CFAP65: variants seen among roughly 807,000 people sequenced by gnomAD.
CFAP65 encodes cilia- and flagella-associated protein 65.
CFAP65 carries 155 observed loss-of-function variants against 208.0 expected under a neutral mutation model. The ratio of observed to expected loss-of-function variants is 0.75; its 90% CI spans 0.65 to 0.85. CFAP65 has a LOEUF of 0.85. Among genes scored for constraint, CFAP65 ranks in the 40% least tolerant of loss-of-function variants. The probability of loss-of-function intolerance (pLI) is 0.00; values close to 1 mark genes in which losing one functional copy is unlikely to be tolerated. For synonymous variants in CFAP65, 970 were observed against 986.3 expected, an observed-to-expected ratio of 0.98 and a Z score of 0.31; for missense variants, 2,294 against 2,451.3, an observed-to-expected ratio of 0.94 and a Z score of 1.36.
chr2:219,011,860 G>A (rs1178139802), intron 24 of CFAP65, among the ~76,000 whole-genome samples: 1 of 152,206 alleles, frequency 6.6e-6, no homozygotes, highest in East Asian at 1.9e-4. Flanking sequence ...GGTACTATGG[G>A]TTAAATGCTT....
At position 219,030,854 on chromosome 2, in the gene CFAP65, G is replaced by A. The variant is rs768385603; in HGVS notation, c.1016-20C>T. The stretch of plus-strand genomic sequence containing the variant: ...ACTTGGCTGGGGCAGAGATGGGGGA[G>A]TCTTGGGGGAACCCACCAGGGCCTC... On this transcript the variant is annotated intron_variant, in intron 8 of 34. Transcript: ENST00000341552. 3 of 1,609,090 alleles carry A rather than the reference G, an allele frequency of 1.9e-6. No individual in the cohort carries two copies. Among genetic ancestry groups the A allele is most frequent in the South Asian group, 2.2e-5 (2 of 90,270 alleles).
chr2:219,013,640 G>A (rs1272698904), intron 22 of CFAP65, 55 bp from the exon 23 acceptor site: 7 of 1,477,762 alleles, frequency 4.7e-6, no homozygotes, highest in Middle Eastern at 1.7e-4. Flanking sequence ...GTACAAGTAG[G>A]AGAGCAAATG....
chr2:219,006,381 C>A (rs990469713), intron 30 of CFAP65, 84 bp downstream of exon 30: 4 of 1,554,634 alleles, frequency 2.6e-6, no homozygotes, highest in Non-Finnish European at 3.5e-6. Flanking sequence ...GGAGTCTGGT[C>A]CAGGGGTTGG....
At position 219,030,162 on chromosome 2, in the gene CFAP65, T is replaced by C. The variant is rs778476619; in HGVS notation, c.1208A>G (p.Glu403Gly). The C allele has an allele frequency of 6.2e-7, 1 of 1,614,130 alleles. No homozygotes were observed. The highest frequency in any genetic ancestry group is 1.7e-5 in the Admixed American group (1 of 60,030). ...RIEISPDELA[E>G]DQAFSCPTAH... ...CGTGGGGCATGAGAAGGCCTGGTCT[T>C]CGGCCAGTTCATCCGGGGAAATTTC... The change falls in exon 10 of 35, where the codon GAA becomes GGA. Residue 403 changes from glutamate to glycine, a missense_variant. Glu to Gly is a moderately conservative substitution (Grantham distance 98, BLOSUM62 -2). Around this residue, in one of 2 missense-constraint regions of CFAP65, gnomAD observed 867 missense variants for 1,012.6 expected, o/e 0.86. Transcript: ENST00000341552.
Position 219,031,662 on chromosome 2 carries a change from C to T in CFAP65, c.646-4G>A. 6.3e-7 allele frequency: 1 copy of T among 1,597,632 alleles called. No individual in the cohort carries two copies. The highest frequency in any genetic ancestry group is 1.1e-5 in the South Asian group (1 of 87,888). On this transcript the variant is annotated splice_region_variant and splice_polypyrimidine_tract_variant and intron_variant, in intron 6 of 34. Coordinates refer to ENST00000341552, the MANE Select transcript of CFAP65 (RefSeq NM_194302.4). This position sits in a 1 kb window ranked among gnomAD's most constrained non-coding sequence, Gnocchi z 5.2. Reference sequence around the variant, plus strand: ...ACAGCTGGTCCATGTACTCCTTCTGCAGTGTGAGGCGGGGCAGGGGCAGTC... The same window carrying T: ...ACAGCTGGTCCATGTACTCCTTCTGTAGTGTGAGGCGGGGCAGGGGCAGTC...
intron 20 of CFAP65, 23 bp from the exon 21 acceptor site, chr2:219,019,202 T>C (rs765158831): frequency 3.1e-6 from 5 of 1,597,800 alleles, no homozygotes; most frequent in Admixed American, 3.4e-5. Context: ...GAGAAAGGGG[T>C]TCAGAGATGG....
At chr2:219,009,020 G>T (rs1449632820) in intron 29 of CFAP65, 27 bp downstream of exon 29, 2 of 1,573,358 alleles carry the variant, frequency 1.3e-6, no homozygotes, top group South Asian at 1.1e-5. Flanking sequence ...AGATCTGGGT[G>T]TTTGAGATCT....
chr2:219,013,732 T>C, intron 22 of CFAP65, 136 bp downstream of exon 22: 1 of 1,152,594 alleles, frequency 8.7e-7, no homozygotes, highest in Non-Finnish European at 1.3e-6. Flanking sequence ...AGAAGGAAAT[T>C]AGACCTCCTC....
At position 219,011,811 on chromosome 2, in the gene CFAP65, T is replaced by A. The variant is rs569711776; in HGVS notation, c.3958-815A>T. ...CACTCACTCCTGAGCATGCTGACTC[T>A]ATTTCTCTAGCCTGGACCACCCTTT... On this transcript the variant is annotated intron_variant, in intron 24 of 34. Transcript: ENST00000341552. 1.3e-4 allele frequency among the ~76,000 whole-genome samples: 20 copies of A among 152,354 alleles called. No homozygotes were observed. In the East Asian group the frequency reaches 3.9e-3, roughly 29 times the overall value.
Position 219,010,006 on chromosome 2 carries a change from T to C in CFAP65, c.4388A>G (p.Asn1463Ser), listed in dbSNP as rs772242455. ...QSKCSRLLFLNNISKNEEIAF... is the reference protein window; with the variant it reads ...QSKCSRLLFLSNISKNEEIAF... ...AATTTCCTCGTTCTTGGAGATGTTGTTGAGGAAGAGCAGGCGGCTGCACTT... is the reference window on the plus strand; with the variant it reads ...AATTTCCTCGTTCTTGGAGATGTTGCTGAGGAAGAGCAGGCGGCTGCACTT... Residue 1463 changes from asparagine (N) to serine (S), a missense_variant, in exon 27 of 35, where the codon AAC becomes AGC. This residue lies in a region of CFAP65 where 1,427 missense variants were observed against 1,438.7 expected (regional missense o/e 0.99). Transcript: ENST00000341552. The C allele has an allele frequency of 6.2e-7, 1 of 1,612,886 alleles. No homozygotes were observed. Among genetic ancestry groups the C allele is most frequent in the East Asian group, 2.2e-5 (1 of 44,886 alleles).
At chr2:219,015,880 T>G (rs1361541417) in intron 21 of CFAP65, among the ~76,000 whole-genome samples, 1 of 152,182 alleles carries the variant, frequency 6.6e-6, no homozygotes, top group Non-Finnish European at 1.5e-5. Context: ...ATGCGTTAGA[T>G]ATATGTATTG....
chr2:219,034,057 T>C (rs191239484), intron 5 of CFAP65: 1 of 152,328 alleles, frequency 6.6e-6, no homozygotes, highest in Admixed American at 6.5e-5. Flanking sequence ...ACTAAGGATG[T>C]GCTAAATGTC....
In CFAP65 at chr2:219,022,077, C is replaced by CTTCCCTCCCACCTTGGGAGG. The variant is rs568579388; in HGVS notation, c.2979+74_2979+93dup. 2,361 of 1,516,278 alleles carry CTTCCCTCCCACCTTGGGAGG rather than the reference C, an allele frequency of 1.6e-3. 20 individuals are homozygous for CTTCCCTCCCACCTTGGGAGG. The African/African-American group carries it at 0.027, about 17-fold the overall frequency. 93.9% of individuals were successfully genotyped at this position (1,516,278 alleles called of 1,614,324 possible). A position where few individuals can be genotyped will look rare whatever the true frequency, so the allele number is the denominator to read the frequency against. ...GGCTCCTATCCTCTGCCCTCTTGGC[C>CTTCCCTCCCACCTTGGGAGG]TTCCCTCCCACCTTGGGAGGTTCCC... On this transcript the variant is annotated intron_variant, in intron 17 of 34. Transcript: ENST00000341552.
At position 219,032,965 on chromosome 2, in the gene CFAP65, A is replaced by G. The variant is rs946223471; in HGVS notation, c.543-393T>C. Among the ~76,000 whole-genome samples, 2 of 152,210 alleles carry G rather than the reference A, an allele frequency of 1.3e-5. No homozygotes were observed. Among genetic ancestry groups the G allele is most frequent in the African/African-American group, 4.8e-5 (2 of 41,444 alleles). ...CCAGAGACCTCAGCAGAGCTGTAGC[A>G]TCCCACAGTGGGTCAGAACCACAGC... is the stretch of plus-strand genomic sequence containing the variant. On this transcript the variant is annotated intron_variant, in intron 5 of 34. Coordinates refer to ENST00000341552, the MANE Select transcript of CFAP65 (RefSeq NM_194302.4). This position sits in a 1 kb window ranked among gnomAD's most constrained non-coding sequence, Gnocchi z 5.5.
At chr2:219,018,131 C>T (rs12471402) in intron 21 of CFAP65, 1 of 152,292 alleles carries the variant, frequency 6.6e-6, no homozygotes, top group African/African-American at 2.4e-5. Context: ...TCACAGGAGC[C>T]CCCACCTGCA....
At chr2:219,011,107 C>G in intron 24 of CFAP65, 111 bp from the exon 25 acceptor site, 1 of 974,760 alleles carries the variant, frequency 1.0e-6, no homozygotes, top group Non-Finnish European at 1.5e-6. Context: ...ATGATGTCAC[C>G]CTTTGAGTCT....
chr2:219,037,803 A>G (rs1948453030), intron 4 of CFAP65, among the ~76,000 whole-genome samples: 1 of 152,182 alleles, frequency 6.6e-6, no homozygotes, highest in Non-Finnish European at 1.5e-5. Flanking sequence ...GGAGCTGGGC[A>G]CCATACACCA....
chr2:219,007,182 G>GT (rs772921583), intron 29 of CFAP65, among the ~76,000 whole-genome samples: 19,739 of 142,972 alleles, frequency 0.14, 3,091 homozygotes, highest in African/African-American at 0.39. Flanking sequence ...TTTTTTCTTT[G>GT]TTTTTTTTTT....
intron 13 of CFAP65, 132 bp downstream of exon 13, chr2:219,027,518 C>T (rs1366506360): frequency 6.2e-7 from 1 of 1,607,728 alleles, no homozygotes; most frequent in East Asian, 2.3e-5. Context: ...GGGTCACTGT[C>T]CAGCCAAGAG....
Sources: allele counts gnomAD v4.1 joint callset (sites outside exome capture counted in the v4.1 genomes callset), GRCh38; gene constraint gnomAD v4.1.1; regional missense constraint gnomAD v4.1.1; non-coding constraint Gnocchi (gnomAD v3.1); transcripts MANE v1.5; gene names NCBI Gene and HGNC (gene_info 2026-07-23, HGNC 2026-07-21).